TBX20: variants seen among roughly 807,000 people sequenced by gnomAD.
TBX20 encodes the protein T-box transcription factor TBX20.
In TBX20, 8 loss-of-function variants were observed where a neutral mutation model predicts 42.9. The observed-to-expected ratio is 0.19, with a 90% CI of 0.11 to 0.34. The LOEUF (loss-of-function observed/expected upper bound fraction) is 0.34, where lower values mean the gene tolerates loss of function less well. TBX20 is among the 10% of genes least tolerant of loss of function. TBX20 has a pLI of 1.00. For synonymous variants in TBX20, 198 were observed against 222.8 expected, an observed-to-expected ratio of 0.89 and a Z score of 0.99; for missense variants, 411 against 566.0, an observed-to-expected ratio of 0.73 and a Z score of 2.78.
chr7:35,207,093 T>C (rs1789413170), intron 6 of TBX20, among the ~76,000 whole-genome samples: 1 of 152,232 alleles, frequency 6.6e-6, no homozygotes, highest in Non-Finnish European at 1.5e-5. Context: ...ACTGCCAAAC[T>C]ATTTGTCAAA....
Position 35,250,154 on chromosome 7 carries a change from G to C in TBX20, c.177C>G (p.Thr59=), listed in dbSNP as rs751566851. 1 of 1,614,000 alleles carries C rather than the reference G, an allele frequency of 6.2e-7. No homozygotes were observed. The highest frequency in any genetic ancestry group is 8.5e-7 in the Non-Finnish European group (1 of 1,179,974). Residue 59 remains threonine, a synonymous_variant, in exon 2 of 8, where the codon ACC becomes ACG. Transcript: ENST00000408931. ...CAAACTCCCCATGAGCATCCAGGCT[G>C]GTCAGCTCACCCAGGGGCTGGGCAC... ...SSCAQPLGEL[T]SLDAHGEFGG... is the part of the protein sequence containing the mutation.
Position 35,253,636 on chromosome 7 carries a change from G to A in TBX20, c.-16C>T, listed in dbSNP as rs1350781900. 1.2e-6 allele frequency: 2 copies of A among 1,609,480 alleles called. No homozygotes were observed. Among genetic ancestry groups the A allele is most frequent in the Middle Eastern group, 2.2e-4 (1 of 4,502 alleles). ...TGAACTCCATGGTCCCCAGCACGCG[G>A]TCCTGGCCAGGGACGGGGTCGTCCG... On this transcript the variant is annotated 5_prime_UTR_variant, in exon 1 of 8. Transcript: ENST00000408931.
At chr7:35,250,898 G>C (rs1790292922) in intron 1 of TBX20, among the ~76,000 whole-genome samples, 3 of 152,186 alleles carry the variant, frequency 2.0e-5, no homozygotes, top group African/African-American at 7.2e-5. Flanking sequence ...TAAATCACAG[G>C]AGCAGGTTCT....
intron 5 of TBX20, among the ~76,000 whole-genome samples, chr7:35,233,532 C>T (rs1156232067): frequency 2.0e-5 from 3 of 152,246 alleles, no homozygotes; most frequent in Admixed American, 6.5e-5. Context: ...CCTTCTCACA[C>T]ACAGCTACCA....
chr7:35,232,663 A>G (rs1789889574), intron 5 of TBX20, among the ~76,000 whole-genome samples: 1 of 152,238 alleles, frequency 6.6e-6, no homozygotes, highest in Non-Finnish European at 1.5e-5. Context: ...TTAACAGGGG[A>G]AAAAAGTTAC....
At chr7:35,253,472 A>G (rs781748350) in intron 1 of TBX20, 22 bp downstream of exon 1, 2 of 1,604,136 alleles carry the variant, frequency 1.2e-6, no homozygotes, top group Non-Finnish European at 1.7e-6. Context: ...TCCTCGGCGG[A>G]CAGCCGGGTA....
At chr7:35,224,447 C>A (rs1584347271) in intron 6 of TBX20, among the ~76,000 whole-genome samples, 1 of 152,134 alleles carries the variant, frequency 6.6e-6, no homozygotes, top group Non-Finnish European at 1.5e-5. Flanking sequence ...CCGAGGCAGG[C>A]GGATGACCTG....
At chr7:35,211,454 A>T (rs1789494393) in intron 6 of TBX20, among the ~76,000 whole-genome samples, 1 of 152,018 alleles carries the variant, frequency 6.6e-6, no homozygotes, top group Non-Finnish European at 1.5e-5. Flanking sequence ...TGTCTGAAAA[A>T]GTCTTTATTT....
chr7:35,222,353 A>G (rs1236203027), intron 6 of TBX20, among the ~76,000 whole-genome samples: 1 of 152,198 alleles, frequency 6.6e-6, no homozygotes, highest in African/African-American at 2.4e-5. Flanking sequence ...AAATATAACA[A>G]AAGACAGAAA....
chr7:35,250,762 A>G (rs1479349736), intron 1 of TBX20, among the ~76,000 whole-genome samples: 1 of 152,244 alleles, frequency 6.6e-6, no homozygotes, highest in African/African-American at 2.4e-5. Flanking sequence ...GTGGTTTACA[A>G]AAAATCAGTT....
At chr7:35,231,413 A>G (rs1789863755) in intron 6 of TBX20, 91 bp downstream of exon 6, 1 of 845,488 alleles carries the variant, frequency 1.2e-6, no homozygotes, top group Non-Finnish European at 2.0e-6. Context: ...TAAGGTTATG[A>G]TTCTCTGGTG....
intron 4 of TBX20, among the ~76,000 whole-genome samples, chr7:35,242,545 T>C (rs545905216): frequency 8.5e-4 from 129 of 151,962 alleles, no homozygotes; most frequent in Admixed American, 1.3e-3. Context: ...ACTGGGAAGA[T>C]AGGAAGAATT....
At chr7:35,250,723 G>A (rs545276987) in intron 1 of TBX20, among the ~76,000 whole-genome samples, 31 of 152,286 alleles carry the variant, frequency 2.0e-4, no homozygotes, top group Non-Finnish European at 4.3e-4. Flanking sequence ...AGGAAAGGAG[G>A]ATAGGAGGGT....
At chr7:35,217,439 A>G (rs1201627819) in intron 6 of TBX20, among the ~76,000 whole-genome samples, 1 of 152,218 alleles carries the variant, frequency 6.6e-6, no homozygotes, top group African/African-American at 2.4e-5. Context: ...GAAAAGAAGG[A>G]TAATTTACAA....
chr7:35,249,929 C>G lies in TBX20; in HGVS notation c.380+22G>C. On this transcript the variant is annotated intron_variant, in intron 2 of 7. Coordinates refer to ENST00000408931, the MANE Select transcript of TBX20 (RefSeq NM_001077653.2). This position sits in a 1 kb window ranked among gnomAD's most constrained non-coding sequence, Gnocchi z 4.3. ...TGTCCTGACTCTCCACCCCCAACCC[C>G]CAACCCCCAAGTCCCAACTACCTGC... 6.3e-7 allele frequency: 1 copy of G among 1,589,528 alleles called. No individual in the cohort carries two copies. Among genetic ancestry groups the G allele is most frequent in the Admixed American group, 1.7e-5 (1 of 58,880 alleles).
chr7:35,226,404 C>CAA lies in TBX20; in HGVS notation c.890+5098_890+5099dup, dbSNP rs375521286. On this transcript the variant is annotated intron_variant, in intron 6 of 7. Coordinates refer to ENST00000408931, the MANE Select transcript of TBX20 (RefSeq NM_001077653.2). ...CATTTAGAGAACAAGGTGAACAATCCAAAAAAAAAAAAAAAAACCTAAGGA... is the reference window on the plus strand; with the variant it reads ...CATTTAGAGAACAAGGTGAACAATCCAAAAAAAAAAAAAAAAAAACCTAAGGA... Among the ~76,000 whole-genome samples, 447 of 81,042 alleles carry CAA rather than the reference C, an allele frequency of 5.5e-3. 2 individuals carry two copies. The highest frequency in any genetic ancestry group is 7.9e-3 in the Non-Finnish European group (297 of 37,454). 53.2% of individuals were successfully genotyped at this position (81,042 alleles called of 152,430 possible). A position where few individuals can be genotyped will look rare whatever the true frequency, so the allele number is the denominator to read the frequency against.
At chr7:35,232,496 A>G (rs187056988) in intron 5 of TBX20, among the ~76,000 whole-genome samples, 116 of 152,342 alleles carry the variant, frequency 7.6e-4, no homozygotes, top group Middle Eastern at 3.4e-3. Context: ...GTCTTATCCG[A>G]CAGATAATCA....
In TBX20 at chr7:35,250,116, C is replaced by T. The variant is rs765324684; in HGVS notation, c.215G>A (p.Gly72Asp). 9.9e-6 allele frequency: 16 copies of T among 1,613,660 alleles called. No homozygotes were observed. In the South Asian group the frequency reaches 1.8e-4, roughly 18 times the overall value. The part of the protein sequence containing the change: ...DAHGEFGGGS[G>D]SSPSSSSLCT... ...CAGAGAGGAGGAGGACGGGCTGCTGCCACTGCCTCCACCAAACTCCCCATG... is the reference window on the plus strand; with the variant it reads ...CAGAGAGGAGGAGGACGGGCTGCTGTCACTGCCTCCACCAAACTCCCCATG... The change falls in exon 2 of 8, where the codon GGC becomes GAC. Residue 72 changes from glycine (G) to aspartate (D), a missense_variant. By Grantham distance (94) the Gly-to-Asp change is moderately conservative. Around this residue, in one of 5 missense-constraint regions of TBX20, gnomAD observed 114 missense variants for 128.0 expected, o/e 0.89. Coordinates refer to ENST00000408931, the MANE Select transcript of TBX20 (RefSeq NM_001077653.2).
At chr7:35,251,772 GT>G (rs1401079884) in intron 1 of TBX20, among the ~76,000 whole-genome samples, 1 of 152,162 alleles carries the variant, frequency 6.6e-6, no homozygotes, top group Non-Finnish European at 1.5e-5. Flanking sequence ...CCACTCTATA[GT>G]TTGCTTCAAC....
Sources: allele counts gnomAD v4.1 joint callset (sites outside exome capture counted in the v4.1 genomes callset), GRCh38; gene constraint gnomAD v4.1.1; regional missense constraint gnomAD v4.1.1; non-coding constraint Gnocchi (gnomAD v3.1); transcripts MANE v1.5; gene names NCBI Gene and HGNC (gene_info 2026-07-23, HGNC 2026-07-21).